The following PALLD variants were observed in gnomAD, a reference collection of about 807,000 sequenced individuals.
PALLD encodes the protein palladin.
Under a neutral mutation model 123.5 loss-of-function variants are expected in PALLD, and 61 were observed. That is an observed-to-expected ratio of 0.49 (90% CI 0.40 to 0.61). The LOEUF (loss-of-function observed/expected upper bound fraction) is 0.61, where lower values mean the gene tolerates loss of function less well. PALLD is among the 20% of genes least tolerant of loss of function. PALLD has a pLI of 0.00. For missense variants in PALLD, 1,273 were observed against 1,377.0 expected (o/e 0.92, Z 1.20); for synonymous variants, 465 against 496.4 (o/e 0.94, Z 0.84).
intron 10 of PALLD, among the ~76,000 whole-genome samples, chr4:168,804,558 C>G (rs1739861887): frequency 6.6e-6 from 1 of 152,212 alleles, no homozygotes; most frequent in Non-Finnish European, 1.5e-5. Flanking sequence ...CAAAAGTAAA[C>G]AAATAGGCCC....
chr4:168,891,477 C>T (rs983396061), intron 11 of PALLD, among the ~76,000 whole-genome samples: 1 of 152,102 alleles, frequency 6.6e-6, no homozygotes, highest in Non-Finnish European at 1.5e-5. Context: ...TTTTATTACC[C>T]TTGAATCTCA....
intron 10 of PALLD, chr4:168,832,069 A>T (rs1280056959): frequency 8.1e-6 from 8 of 985,376 alleles, no homozygotes; most frequent in Non-Finnish European, 9.6e-6. Context: ...CGAGGTATAA[A>T]GCCCGATACC....
chr4:168,553,235 C>A (rs1193801390), intron 2 of PALLD, among the ~76,000 whole-genome samples: 1 of 152,004 alleles, frequency 6.6e-6, no homozygotes, highest in African/African-American at 2.4e-5. Flanking sequence ...GAGAAGGAAC[C>A]ACAGCCATGA....
intron 10 of PALLD, among the ~76,000 whole-genome samples, chr4:168,870,400 T>A (rs1399237994): frequency 6.6e-6 from 1 of 152,220 alleles, no homozygotes; most frequent in African/African-American, 2.4e-5. Flanking sequence ...ACAGAACAGA[T>A]TATTCACAGA....
At chr4:168,897,205 A>G (rs1169773905) in intron 13 of PALLD, among the ~76,000 whole-genome samples, 1 of 152,108 alleles carries the variant, frequency 6.6e-6, no homozygotes, top group Non-Finnish European at 1.5e-5. Flanking sequence ...TTTGTTATAT[A>G]TACCTTTCTA....
chr4:168,592,212 T>C (rs556558836), intron 2 of PALLD, among the ~76,000 whole-genome samples: 3 of 151,848 alleles, frequency 2.0e-5, no homozygotes, highest in Admixed American at 6.6e-5. Flanking sequence ...TTTTAGCAGA[T>C]AGGGGGTTTC....
At chr4:168,537,034 G>T (rs1330508394) in intron 2 of PALLD, among the ~76,000 whole-genome samples, 2 of 152,214 alleles carry the variant, frequency 1.3e-5, no homozygotes, top group East Asian at 3.9e-4. Flanking sequence ...CATCGTGTTA[G>T]CCAGGATGGT....
At chr4:168,872,457 A>T (rs927460780) in intron 10 of PALLD, among the ~76,000 whole-genome samples, 4 of 152,220 alleles carry the variant, frequency 2.6e-5, no homozygotes, top group Admixed American at 6.5e-5. Flanking sequence ...CTTTGTAAAG[A>T]AACCTATGTC....
intron 2 of PALLD, among the ~76,000 whole-genome samples, chr4:168,578,299 T>C (rs1769850852): frequency 6.6e-6 from 1 of 151,832 alleles, no homozygotes; most frequent in Non-Finnish European, 1.5e-5. Flanking sequence ...TCATCTTGAA[T>C]TGTAGTTTCC....
chr4:168,557,815 G>C (rs1479774363), intron 2 of PALLD, among the ~76,000 whole-genome samples: 3 of 152,168 alleles, frequency 2.0e-5, no homozygotes, highest in Non-Finnish European at 2.9e-5. Flanking sequence ...ACCTACTTCA[G>C]GCTTGAGTCA....
chr4:168,642,660 C>A (rs1777078574), intron 2 of PALLD, among the ~76,000 whole-genome samples: 2 of 152,230 alleles, frequency 1.3e-5, no homozygotes, highest in Admixed American at 1.3e-4. Flanking sequence ...CCTTGGTCTC[C>A]CAAAGTGCTG....
chr4:168,888,539 G>A (rs1753687515), intron 10 of PALLD, among the ~76,000 whole-genome samples: 2 of 152,120 alleles, frequency 1.3e-5, no homozygotes, highest in Admixed American at 1.3e-4. Context: ...TTTTGACATT[G>A]CATTTCTGAC....
chr4:168,710,003 A>G (rs1277874683), intron 9 of PALLD, among the ~76,000 whole-genome samples: 1 of 152,136 alleles, frequency 6.6e-6, no homozygotes, highest in Non-Finnish European at 1.5e-5. Flanking sequence ...TACTTGTACA[A>G]ATAAGCCATT....
chr4:168,755,457 G>T (rs922477702), intron 10 of PALLD, among the ~76,000 whole-genome samples: 5 of 152,066 alleles, frequency 3.3e-5, no homozygotes, highest in Admixed American at 3.3e-4. Context: ...GAGCTTAAGA[G>T]TAAGAGATGA....
At chr4:168,720,420 T>C (rs1444378134) in intron 10 of PALLD, among the ~76,000 whole-genome samples, 1 of 152,236 alleles carries the variant, frequency 6.6e-6, no homozygotes, top group Admixed American at 6.5e-5. Context: ...AGCAATTTAG[T>C]AATGGCAAAA....
At chr4:168,879,992 G>C (rs1274416316) in intron 10 of PALLD, among the ~76,000 whole-genome samples, 1 of 152,144 alleles carries the variant, frequency 6.6e-6, no homozygotes, top group East Asian at 1.9e-4. Context: ...CTCATTAAAA[G>C]GGTACCAAGT....
At chr4:168,642,852 T>C (rs1330816428) in intron 2 of PALLD, among the ~76,000 whole-genome samples, 1 of 152,260 alleles carries the variant, frequency 6.6e-6, no homozygotes, top group African/African-American at 2.4e-5. Context: ...TCGTCTCTAC[T>C]GTCTTGTGAC....
In PALLD at chr4:168,685,466, T is replaced by G; in HGVS notation, c.1261-19T>G. 6.5e-7 allele frequency: 1 copy of G among 1,545,404 alleles called. No individual in the cohort carries two copies. Among genetic ancestry groups the G allele is most frequent in the East Asian group, 2.2e-5 (1 of 44,558 alleles). On this transcript the variant is annotated intron_variant, in intron 5 of 21. Coordinates refer to ENST00000505667, the MANE Select transcript of PALLD (RefSeq NM_001166108.2). ...ATTTATATATTTAGAATTTGATCCATATGTCTCTGCTTTTGCAGGTTCACA... is the reference window on the plus strand; with the variant it reads ...ATTTATATATTTAGAATTTGATCCAGATGTCTCTGCTTTTGCAGGTTCACA...
chr4:168,577,466 A>T (rs1260206703), intron 2 of PALLD, among the ~76,000 whole-genome samples: 1 of 152,152 alleles, frequency 6.6e-6, no homozygotes, highest in Non-Finnish European at 1.5e-5. Flanking sequence ...TCAATTTTTA[A>T]AGATCTGAAA....
Sources: allele counts gnomAD v4.1 joint callset (sites outside exome capture counted in the v4.1 genomes callset), GRCh38; gene constraint gnomAD v4.1.1; transcripts MANE v1.5; gene names NCBI Gene and HGNC (gene_info 2026-07-23, HGNC 2026-07-21).